The following ERAP2 variants were observed in gnomAD, a reference collection of about 807,000 sequenced individuals.
ERAP2 encodes leukocyte-derived arginine aminopeptidase.
In ERAP2, 118 loss-of-function variants were observed where a neutral mutation model predicts 111.1. That is an observed-to-expected ratio of 1.06 (90% CI 0.92 to 1.24). The LOEUF is 1.24. Among genes scored for constraint, ERAP2 ranks in the 50% most tolerant of loss-of-function variants. ERAP2 has a pLI of 0.00. For missense variants in ERAP2, 1,131 were observed against 1,125.8 expected (o/e 1.00, Z -0.07); for synonymous variants, 410 against 401.2 (o/e 1.02, Z -0.26).
At chr5:96,889,121 A>T in intron 4 of ERAP2, 64 bp from the exon 5 acceptor site, 1 of 1,598,406 alleles carries the variant, frequency 6.3e-7, no homozygotes, top group South Asian at 1.1e-5. Context: ...TGAGAGGGTT[A>T]TCAGGAATGG....
intron 6 of ERAP2, among the ~76,000 whole-genome samples, chr5:96,892,955 C>G (rs1280581630): frequency 6.6e-6 from 1 of 151,964 alleles, no homozygotes; most frequent in African/African-American, 2.4e-5. Flanking sequence ...GTTCAGTGTC[C>G]CCATCTATAA....
chr5:96,878,345 A>G (rs1256546474), intron 1 of ERAP2, among the ~76,000 whole-genome samples: 1 of 152,198 alleles, frequency 6.6e-6, no homozygotes, highest in African/African-American at 2.4e-5. Context: ...ACCAGTAGCC[A>G]TAAAATGAGG....
intron 9 of ERAP2, among the ~76,000 whole-genome samples, chr5:96,897,908 C>A (rs1166385452): frequency 1.3e-5 from 2 of 152,284 alleles, no homozygotes; most frequent in South Asian, 2.1e-4. Context: ...TTTAAAGACA[C>A]TTTCATGGCC....
In ERAP2 at chr5:96,896,367, G is replaced by A; in HGVS notation, c.1240-6G>A. ...ACTAAAACTAAACATTTTTCTCCCTGTTTAGGATGACTATTTTTTGAATGT... is the reference window on the plus strand; with the variant it reads ...ACTAAAACTAAACATTTTTCTCCCTATTTAGGATGACTATTTTTTGAATGT... On this transcript the variant is annotated splice_region_variant and splice_polypyrimidine_tract_variant and intron_variant, in intron 7 of 18. Coordinates refer to ENST00000437043, the MANE Select transcript of ERAP2 (RefSeq NM_022350.5). 1 of 1,605,620 alleles carries A rather than the reference G, an allele frequency of 6.2e-7. No individual in the cohort carries two copies. Among genetic ancestry groups the A allele is most frequent in the South Asian group, 1.1e-5 (1 of 90,480 alleles).
Position 96,883,807 on chromosome 5 carries a change from A to G in ERAP2, c.591A>G (p.Thr197=), listed in dbSNP as rs1390970327. ...LGGETRILAV[T]DFEPTQARMA... ...CTTTTCACAGAATTCTTGCAGTAAC[A>G]GATTTTGAGCCAACCCAGGCACGCA... Residue 197 remains threonine, a synonymous_variant, in exon 3 of 19, where the codon ACA becomes ACG. Transcript: ENST00000437043. The G allele has an allele frequency of 6.2e-7, 1 of 1,610,606 alleles. No individual in the cohort carries two copies. The highest frequency in any genetic ancestry group is 8.5e-7 in the Non-Finnish European group (1 of 1,179,060).
At chr5:96,908,698 A>G (rs1000712553) in intron 13 of ERAP2, among the ~76,000 whole-genome samples, 2 of 152,232 alleles carry the variant, frequency 1.3e-5, no homozygotes, top group African/African-American at 4.8e-5. Context: ...TTAAAATATT[A>G]GGTCATTAAT....
chr5:96,915,076 T>C lies in ERAP2; in HGVS notation c.2658-612T>C, dbSNP rs150946600. Among the ~76,000 whole-genome samples, 386 of 152,230 alleles carry C rather than the reference T, an allele frequency of 2.5e-3. 5 individuals carry two copies. The highest frequency in any genetic ancestry group is 0.022 in the Admixed American group (334 of 15,290). ...AGGCTGGAGTGCAATGGCGCCATGT[T>C]GGCTCACTGCAACCTCCACCTCCCG... On this transcript the variant is annotated intron_variant, in intron 17 of 18. Coordinates refer to ENST00000437043, the MANE Select transcript of ERAP2 (RefSeq NM_022350.5).
At chr5:96,900,276 T>C in intron 10 of ERAP2, 87 bp downstream of exon 10, 2 of 1,512,208 alleles carry the variant, frequency 1.3e-6, no homozygotes, top group Non-Finnish European at 1.8e-6. Context: ...AGCCCACCTG[T>C]CCCTTTTAAA....
intron 14 of ERAP2, 79 bp downstream of exon 14, chr5:96,909,196 G>A: frequency 7.1e-7 from 1 of 1,418,152 alleles, no homozygotes; most frequent in South Asian, 1.2e-5. Flanking sequence ...TGTTTTGTGT[G>A]AAGTCCTTGA....
At chr5:96,894,336 TGTAAA>T (rs1410331723) in intron 6 of ERAP2, among the ~76,000 whole-genome samples, 2 of 152,312 alleles carry the variant, frequency 1.3e-5, no homozygotes, top group African/African-American at 4.8e-5. Context: ...GCTGCCCACT[TGTAAA>T]GTAATCTGAA....
At position 96,917,905 on chromosome 5, in the gene ERAP2, C is replaced by CAAA. The variant is rs36015159; in HGVS notation, c.*321_*323dup. ...TGGGTGACTGAGCGAGACTCTGTCT[C>CAAA]AAAAAAAAAAAAAAAAAAAAAAAGA... On this transcript the variant is annotated 3_prime_UTR_variant, in exon 19 of 19. Coordinates refer to ENST00000437043, the MANE Select transcript of ERAP2 (RefSeq NM_022350.5). 1,357 of 50,170 alleles carry CAAA rather than the reference C, an allele frequency of 0.027. 43 individuals are homozygous for CAAA. The highest frequency in any genetic ancestry group is 0.079 in the South Asian group (90 of 1,142). 3.1% of individuals were successfully genotyped at this position (50,170 alleles called of 1,614,324 possible).
At chr5:96,885,677 C>T (rs1376094198) in intron 3 of ERAP2, among the ~76,000 whole-genome samples, 1 of 152,230 alleles carries the variant, frequency 6.6e-6, no homozygotes, top group East Asian at 1.9e-4. Context: ...ACAAGCCTGA[C>T]TCCCAGAAAG....
At chr5:96,881,313 A>G (rs1263539189) in intron 2 of ERAP2, 2 of 423,668 alleles carry the variant, frequency 4.7e-6, no homozygotes, top group African/African-American at 4.0e-5. Flanking sequence ...GGGCCAGGCT[A>G]GTGGCAGTGC....
At chr5:96,895,442 A>AG in intron 7 of ERAP2, 83 bp downstream of exon 7, 1 of 969,024 alleles carries the variant, frequency 1.0e-6, no homozygotes, top group Non-Finnish European at 1.6e-6. Flanking sequence ...AATGTTAAAC[A>AG]GAAAAACTAC....
rs375254979 is a variant in ERAP2 at position 96,877,108 on chromosome 5, AG to A, written c.-123+583del. Among the ~76,000 whole-genome samples the A allele has an allele frequency of 9.6e-4, 146 of 152,114 alleles. 1 individual carries two copies. In the South Asian group the frequency reaches 0.011, roughly 12 times the overall value. Reference sequence around the variant, plus strand: ...TCGTGCCTCAGCCTCCCGAGTAGCTAGGACTACGGGCATGTGCCACCATGCC... The same window carrying A: ...TCGTGCCTCAGCCTCCCGAGTAGCTAGACTACGGGCATGTGCCACCATGCC... On this transcript the variant is annotated intron_variant, in intron 1 of 18. Transcript: ENST00000437043.
At chr5:96,880,456 C>T (rs1237611243) in intron 2 of ERAP2, among the ~76,000 whole-genome samples, 196 bp downstream of exon 2, 1 of 152,158 alleles carries the variant, frequency 6.6e-6, no homozygotes, top group East Asian at 1.9e-4. Context: ...GAGGCATAAA[C>T]AGCTAGAGGG....
chr5:96,884,606 G>A (rs1432580869), intron 3 of ERAP2, among the ~76,000 whole-genome samples: 1 of 152,096 alleles, frequency 6.6e-6, no homozygotes, highest in African/African-American at 2.4e-5. Flanking sequence ...TGCCCAGGTT[G>A]GAGTGCAATG....
chr5:96,890,441 C>T (rs1253035687), intron 5 of ERAP2, among the ~76,000 whole-genome samples: 1 of 152,194 alleles, frequency 6.6e-6, no homozygotes, highest in African/African-American at 2.4e-5. Context: ...CACCTCCTGC[C>T]ATGCAGCCCA....
At chr5:96,900,097 T>A (rs1253942208) in intron 9 of ERAP2, 24 bp from the exon 10 acceptor site, 13 of 1,613,642 alleles carry the variant, frequency 8.1e-6, no homozygotes, top group Non-Finnish European at 1.1e-5. Context: ...TACATTGCAG[T>A]GCTCTTTTGT....
Sources: gnomAD v4.1 joint callset for allele counts (sites outside exome capture counted in the v4.1 genomes callset) on GRCh38, gnomAD v4.1.1 for gene constraint, MANE v1.5 for transcripts, NCBI Gene and HGNC (gene_info 2026-07-23, HGNC 2026-07-21) for gene names.